The following NTN1 variants were observed in gnomAD, a reference collection of about 807,000 sequenced individuals.
NTN1 encodes the protein netrin 1.
In NTN1, 11 loss-of-function variants were observed where a neutral mutation model predicts 54.2. The ratio of observed to expected loss-of-function variants is 0.20; its 90% CI spans 0.13 to 0.34. NTN1 has a LOEUF of 0.34. NTN1 is among the 10% of genes least tolerant of loss of function. NTN1 has a pLI of 1.00. For synonymous variants in NTN1, 371 were observed against 382.0 expected, an observed-to-expected ratio of 0.97 and a Z score of 0.33; for missense variants, 740 against 893.1, an observed-to-expected ratio of 0.83 and a Z score of 2.18.
At chr17:9,062,556 A>G (rs2092002198) in intron 2 of NTN1, among the ~76,000 whole-genome samples, 2 of 151,938 alleles carry the variant, frequency 1.3e-5, no homozygotes, top group Admixed American at 6.6e-5. Context: ...TTAGCTAAGG[A>G]AAAAAAAGCC....
chr17:9,181,676 G>A (rs1479090006), intron 4 of NTN1, among the ~76,000 whole-genome samples: 1 of 152,206 alleles, frequency 6.6e-6, no homozygotes, highest in Non-Finnish European at 1.5e-5. Context: ...AGTAGCCCAT[G>A]TCCATCCACC....
At chr17:9,227,740 TCACA>T (rs1350710554) in intron 6 of NTN1, among the ~76,000 whole-genome samples, 1 of 149,948 alleles carries the variant, frequency 6.7e-6, no homozygotes, top group African/African-American at 2.5e-5. Context: ...AGATACACTA[TCACA>T]CACAGACTCA....
At chr17:9,166,562 G>A (rs893986054) in intron 3 of NTN1, among the ~76,000 whole-genome samples, 10 of 152,002 alleles carry the variant, frequency 6.6e-5, no homozygotes, top group Admixed American at 4.6e-4. Flanking sequence ...GGCTGGTCTC[G>A]AACTCCTGAC....
intron 6 of NTN1, among the ~76,000 whole-genome samples, chr17:9,230,610 C>T (rs1048143681): frequency 6.6e-6 from 1 of 152,194 alleles, no homozygotes; most frequent in South Asian, 2.1e-4. Flanking sequence ...CCACAGGAAG[C>T]TTGCTCTGGT....
At chr17:9,218,861 G>A (rs1201667748) in intron 5 of NTN1, among the ~76,000 whole-genome samples, 1 of 151,676 alleles carries the variant, frequency 6.6e-6, no homozygotes, top group African/African-American at 2.4e-5. Context: ...GCCGGTGAAA[G>A]GGATTTCCTC....
intron 3 of NTN1, chr17:9,176,904 C>T (rs2092401591): frequency 6.6e-6 from 1 of 152,272 alleles, no homozygotes; most frequent in South Asian, 2.1e-4. Context: ...CTGTCACGCG[C>T]ATTTCAGAGG....
intron 2 of NTN1, among the ~76,000 whole-genome samples, chr17:9,024,879 C>T (rs1283693228): frequency 6.6e-6 from 1 of 152,196 alleles, no homozygotes; most frequent in Admixed American, 6.5e-5. Context: ...AGTTACACTC[C>T]GACTTAGTAG....
At chr17:9,208,218 C>T (rs1007328584) in intron 5 of NTN1, among the ~76,000 whole-genome samples, 9 of 152,088 alleles carry the variant, frequency 5.9e-5, no homozygotes, top group Admixed American at 5.9e-4. Context: ...GGCCACAGAT[C>T]GACACTCCAT....
rs368559493 is a variant in NTN1, at chr17:9,221,145, G to GCCCCCCCCCCCCC, written c.1412-22_1412-21insCCCCCCCCCCCCC. 1.3e-6 allele frequency: 2 copies of GCCCCCCCCCCCCC among 1,504,218 alleles called. No individual in the cohort carries two copies. Among genetic ancestry groups the GCCCCCCCCCCCCC allele is most frequent in the African/African-American group, 3.4e-5 (2 of 58,884 alleles). The allele number at this position is 1,504,218 out of a possible 1,614,324, so 93.2% of individuals were successfully genotyped here. On this transcript the variant is annotated intron_variant, in intron 5 of 6. Coordinates refer to ENST00000173229, the MANE Select transcript of NTN1 (RefSeq NM_004822.3). This position sits in a 1 kb window ranked among gnomAD's most constrained non-coding sequence, Gnocchi z 4.5. ...GCCAGCCTAATTAGTTTTTGTCTGT[G>GCCCCCCCCCCCCC]CTCCCCCCCCACCCCCCTGCAGACT...
At position 9,241,877 on chromosome 17, in the gene NTN1, T is replaced by G. The variant is rs1567751111; in HGVS notation, c.*1909T>G. 1 of 152,266 alleles carries G rather than the reference T, an allele frequency of 6.6e-6. No homozygotes were observed. Among genetic ancestry groups the G allele is most frequent in the Non-Finnish European group, 1.5e-5 (1 of 68,076 alleles). 9.4% of individuals were successfully genotyped at this position (152,266 alleles called of 1,614,324 possible). A position where few individuals can be genotyped will look rare whatever the true frequency, so the allele number is the denominator to read the frequency against. On this transcript the variant is annotated 3_prime_UTR_variant, in exon 7 of 7. Coordinates refer to ENST00000173229, the MANE Select transcript of NTN1 (RefSeq NM_004822.3). ...TTCTGACCAGGGGCCACGCTGGCCC[T>G]CACTGCACTCCAGCTCTGCAGCCTA...
intron 2 of NTN1, among the ~76,000 whole-genome samples, chr17:9,075,688 C>T (rs1397080294): frequency 6.6e-6 from 1 of 152,250 alleles, no homozygotes; most frequent in South Asian, 2.1e-4. Context: ...CTTTGAGACC[C>T]TCAGGGACTT....
chr17:9,228,908 C>CTGATTG (rs11281340), intron 6 of NTN1, among the ~76,000 whole-genome samples: 15 of 149,502 alleles, frequency 1.0e-4, no homozygotes, highest in Admixed American at 2.6e-4. Context: ...GTGTTCGTGA[C>CTGATTG]TGTGTGTGAC....
At chr17:9,132,539 C>T (rs2092269040) in intron 2 of NTN1, among the ~76,000 whole-genome samples, 1 of 152,182 alleles carries the variant, frequency 6.6e-6, no homozygotes, top group Admixed American at 6.5e-5. Flanking sequence ...CTGTGTCTGG[C>T]ATGAGGCTGT....
At chr17:9,149,108 C>T (rs964244149) in intron 2 of NTN1, among the ~76,000 whole-genome samples, 1 of 152,050 alleles carries the variant, frequency 6.6e-6, no homozygotes, top group Non-Finnish European at 1.5e-5. Flanking sequence ...GGCTTAGTGA[C>T]GGGAGCCATT....
At chr17:9,222,928 C>T (rs893678307) in intron 6 of NTN1, among the ~76,000 whole-genome samples, 2 of 152,178 alleles carry the variant, frequency 1.3e-5, no homozygotes, top group Middle Eastern at 3.2e-3. Context: ...ACACTCCCTA[C>T]GCACACACTG....
intron 2 of NTN1, among the ~76,000 whole-genome samples, chr17:9,142,719 G>GAACC (rs1168265098): frequency 1.3e-5 from 2 of 152,140 alleles, no homozygotes; most frequent in East Asian, 3.9e-4. Flanking sequence ...GTTAATCTGT[G>GAACC]AACCAACCAA....
the NTN1 span, among the ~76,000 whole-genome samples, chr17:9,016,148 C>T: frequency 2.5e-3 from 377 of 152,230 alleles, 4 homozygotes; most frequent in African/African-American, 8.7e-3. Context: ...GGCTGTCCCA[C>T]CTTCTACATC....
intron 2 of NTN1, among the ~76,000 whole-genome samples, chr17:9,120,988 C>G (rs745385176): frequency 9.2e-5 from 14 of 152,096 alleles, no homozygotes; most frequent in Non-Finnish European, 1.6e-4. Flanking sequence ...GACAGAAAAC[C>G]ATCAGGGACC....
chr17:9,117,979 T>C (rs1428152808), intron 2 of NTN1, among the ~76,000 whole-genome samples: 1 of 152,092 alleles, frequency 6.6e-6, no homozygotes, highest in Non-Finnish European at 1.5e-5. Context: ...CTGCAAGCAA[T>C]TTCTAGAAAC....
Sources: allele counts gnomAD v4.1 joint callset (sites outside exome capture counted in the v4.1 genomes callset), GRCh38; gene constraint gnomAD v4.1.1; non-coding constraint Gnocchi (gnomAD v3.1); transcripts MANE v1.5; gene names NCBI Gene and HGNC (gene_info 2026-07-23, HGNC 2026-07-21).